MIA2: variants seen among roughly 807,000 people sequenced by gnomAD.
MIA2 encodes the protein melanoma inhibitory activity protein 2.
A neutral mutation model predicts 167.8 loss-of-function variants in MIA2; 127 were observed. The ratio of observed to expected loss-of-function variants is 0.76; its 90% CI spans 0.66 to 0.88. The LOEUF (loss-of-function observed/expected upper bound fraction) is 0.88. Ranked by LOEUF, MIA2 falls within the 40% of genes least tolerant of loss-of-function variation. MIA2 has a pLI of 0.00. For synonymous variants in MIA2, 552 were observed against 541.9 expected (o/e 1.02, Z -0.26); for missense variants, 1,690 against 1,624.7 (o/e 1.04, Z -0.69).
In MIA2 at chr14:39,240,529, T is replaced by C. The variant is rs149270810; in HGVS notation, c.250-32T>C. On this transcript the variant is annotated intron_variant, in intron 2 of 28. Transcript: ENST00000640607. ...TAATTATTATTGCTTTGATCATTCT[T>C]CCTCGATAATCTTTGTTCTTCATTT... is the stretch of plus-strand genomic sequence containing the variant. 2.2e-4 allele frequency: 333 copies of C among 1,525,068 alleles called. 1 individual carries two copies. In the Middle Eastern group the frequency reaches 4.8e-3, roughly 22 times the overall value. The allele number at this position is 1,525,068 out of a possible 1,614,324, so 94.5% of individuals were successfully genotyped here.
exon 24 of MIA2, chr14:39,386,962 A>G: frequency 1.3e-6 from 1 of 783,594 alleles, no homozygotes; most frequent in African/African-American, 1.8e-5. Context: ...AAGCCGAAGC[A>G]TTGGCGGATG....
downstream of MIA2, among the ~76,000 whole-genome samples, chr14:39,355,058 A>G (rs2074485451): frequency 1.7e-5 from 2 of 116,602 alleles, no homozygotes; most frequent in South Asian, 6.0e-4. Flanking sequence ...TTTTGGTTCC[A>G]TATGAACTTT....
intron 3 of MIA2, among the ~76,000 whole-genome samples, chr14:39,243,529 AAATTTATTTGAT>A (rs1249287895): frequency 1.3e-5 from 2 of 152,206 alleles, no homozygotes; most frequent in Non-Finnish European, 2.9e-5. Context: ...AAAGGCATAC[AAATTTATTTGAT>A]CACAATTTTA....
intron 24 of MIA2, among the ~76,000 whole-genome samples, chr14:39,325,529 G>C (rs1403599471): frequency 4.0e-5 from 6 of 148,798 alleles, no homozygotes; most frequent in Non-Finnish European, 8.9e-5. Context: ...CACCATGCCC[G>C]GCTAATTTTT....
chr14:39,319,296 TC>T lies in MIA2; in HGVS notation c.3367+6del. Reference sequence around the variant, plus strand: ...CAAATACAGCATTTGGCAGAGGTAGTCTTTTTTTTTTTACCCCTCATTTAAA... The same window carrying T: ...CAAATACAGCATTTGGCAGAGGTAGTTTTTTTTTTTTACCCCTCATTTAAA... On this transcript the variant is annotated splice_donor_region_variant and intron_variant, in intron 23 of 28. Coordinates refer to ENST00000640607, the MANE Select transcript of MIA2 (RefSeq NM_001329214.4). 3 of 1,497,486 alleles carry T rather than the reference TC, an allele frequency of 2.0e-6. No homozygotes were observed. Among genetic ancestry groups the T allele is most frequent in the Admixed American group, 2.2e-5 (1 of 46,502 alleles). The allele number at this position is 1,497,486 out of a possible 1,614,324, so 92.8% of individuals were successfully genotyped here. A position where few individuals can be genotyped will look rare whatever the true frequency, so the allele number is the denominator to read the frequency against.
chr14:39,318,088 A>C (rs1174098915), intron 22 of MIA2, 77 bp downstream of exon 22: 5 of 1,101,062 alleles, frequency 4.5e-6, no homozygotes, highest in Non-Finnish European at 6.5e-6. Context: ...TATAAGGTTA[A>C]GCAAGAAAAC....
intron 25 of MIA2, among the ~76,000 whole-genome samples, chr14:39,340,619 C>A (rs1163522150): frequency 1.3e-5 from 2 of 152,140 alleles, no homozygotes; most frequent in African/African-American, 4.8e-5. Context: ...TCATTTTGAT[C>A]TCTTTGATGA....
chr14:39,383,399 G>A (rs1247187411), intron 23 of MIA2, among the ~76,000 whole-genome samples: 1 of 152,134 alleles, frequency 6.6e-6, no homozygotes, highest in Admixed American at 6.5e-5. Flanking sequence ...ATAGAAAATA[G>A]CTAACTGAAT....
chr14:39,282,434 C>G (rs1384635453), intron 9 of MIA2, among the ~76,000 whole-genome samples: 1 of 152,102 alleles, frequency 6.6e-6, no homozygotes, highest in African/African-American at 2.4e-5. Context: ...TTCTTTCTCT[C>G]TCATAGTTAC....
At chr14:39,241,044 A>G (rs753687424) in intron 3 of MIA2, among the ~76,000 whole-genome samples, 2 of 152,244 alleles carry the variant, frequency 1.3e-5, no homozygotes, top group Non-Finnish European at 2.9e-5. Flanking sequence ...AAATGAGTAT[A>G]TGTAAAGTAC....
intron 23 of MIA2, among the ~76,000 whole-genome samples, chr14:39,319,618 A>G (rs978744912): frequency 6.6e-6 from 1 of 152,122 alleles, no homozygotes; most frequent in Non-Finnish European, 1.5e-5. Flanking sequence ...GATTGAATGA[A>G]TAAGGAGTGC....
At chr14:39,337,677 CCAGT>C (rs994832558) in intron 25 of MIA2, among the ~76,000 whole-genome samples, 6 of 152,002 alleles carry the variant, frequency 3.9e-5, no homozygotes, top group African/African-American at 1.2e-4. Flanking sequence ...GTGAAGAAAA[CCAGT>C]CTCAAAAGTT....
At chr14:39,314,382 T>C (rs2064935356) in intron 19 of MIA2, among the ~76,000 whole-genome samples, 1 of 49,364 alleles carries the variant, frequency 2.0e-5, no homozygotes, top group African/African-American at 5.0e-5. Flanking sequence ...AGCGACACTC[T>C]GTTTAAAAAA....
downstream of MIA2, among the ~76,000 whole-genome samples, chr14:39,353,063 T>G (rs570080951): frequency 2.0e-5 from 3 of 152,148 alleles, no homozygotes; most frequent in Non-Finnish European, 4.4e-5. Flanking sequence ...CTTTTTCTTT[T>G]ATTGGCACAT....
rs1205403259 is a variant in MIA2 at position 39,288,454 on chromosome 14, TATATATATA to T, written c.2131-2564_2131-2556del. On this transcript the variant is annotated intron_variant, in intron 9 of 28. Coordinates refer to ENST00000640607, the MANE Select transcript of MIA2 (RefSeq NM_001329214.4). ...ATACATATATATATATATATATATA[TATATATATA>T]TATATATATATATTTTTTTTTTTTT... is the stretch of plus-strand genomic sequence containing the variant. Among the ~76,000 whole-genome samples, 84 of 13,882 alleles carry T rather than the reference TATATATATA, an allele frequency of 6.1e-3. 5 individuals carry two copies. The highest frequency in any genetic ancestry group is 7.3e-3 in the African/African-American group (41 of 5,604). The allele number at this position is 13,882 out of a possible 152,430, so 9.1% of individuals were successfully genotyped here. A position where few individuals can be genotyped will look rare whatever the true frequency, so the allele number is the denominator to read the frequency against.
At chr14:39,283,245 A>T (rs1402932954) in intron 9 of MIA2, among the ~76,000 whole-genome samples, 3 of 152,146 alleles carry the variant, frequency 2.0e-5, no homozygotes, top group Non-Finnish European at 4.4e-5. Context: ...TTTTTTTCGG[A>T]TAAATATCTG....
chr14:39,386,321 T>C, intron 23 of MIA2: 8 of 1,494,528 alleles, frequency 5.4e-6, no homozygotes, highest in Non-Finnish European at 6.5e-6. Context: ...GCTGGGACCA[T>C]CACTGATAGC....
At chr14:39,296,612 T>C (rs1411200455) in intron 13 of MIA2, among the ~76,000 whole-genome samples, 11 of 149,112 alleles carry the variant, frequency 7.4e-5, no homozygotes, top group South Asian at 2.1e-4. Flanking sequence ...TTTCTTTTTT[T>C]TTTTTTTTAA....
intron 6 of MIA2, among the ~76,000 whole-genome samples, chr14:39,271,137 A>G (rs1055313265): frequency 6.6e-6 from 1 of 152,104 alleles, no homozygotes; most frequent in African/African-American, 2.4e-5. Context: ...GTTTCCATAT[A>G]TGTTATGAAG....
Sources: allele counts gnomAD v4.1 joint callset (sites outside exome capture counted in the v4.1 genomes callset), GRCh38; gene constraint gnomAD v4.1.1; transcripts MANE v1.5; gene names NCBI Gene and HGNC (gene_info 2026-07-23, HGNC 2026-07-21).